The following KCTD2 variants were observed in gnomAD, a reference collection of about 807,000 sequenced individuals.
The protein encoded by KCTD2 is BTB/POZ domain-containing protein KCTD2.
KCTD2 carries 18 observed loss-of-function variants against 27.9 expected under a neutral mutation model. The ratio of observed to expected loss-of-function variants is 0.64; its 90% CI spans 0.45 to 0.96. The LOEUF (loss-of-function observed/expected upper bound fraction) is 0.96. Among genes scored for constraint, KCTD2 ranks in the 40% least tolerant of loss-of-function variants. The pLI, the probability that KCTD2 is intolerant of heterozygous loss-of-function variation, is 0.00. For synonymous variants in KCTD2, 175 were observed against 148.4 expected (o/e 1.18, Z -1.30); for missense variants, 280 against 348.0 (o/e 0.80, Z 1.56).
intron 2 of KCTD2, chr17:75,035,091 C>T (rs1030081452): frequency 3.9e-5 from 6 of 152,100 alleles, no homozygotes; most frequent in African/African-American, 7.2e-5. Context: ...ATTGGCCTCT[C>T]TAGGAGGTAG....
chr17:75,059,337 G>GA (rs2073380871), intron 3 of KCTD2, 173 bp from the exon 4 acceptor site: 1 of 415,058 alleles, frequency 2.4e-6, no homozygotes, highest in Non-Finnish European at 4.3e-6. Context: ...AAAGAGAAGG[G>GA]AAAAAAAGAA....
intron 3 of KCTD2, among the ~76,000 whole-genome samples, chr17:75,036,856 C>T (rs1417430307): frequency 6.6e-6 from 1 of 152,168 alleles, no homozygotes; most frequent in Non-Finnish European, 1.5e-5. Context: ...CGCTCCTCAT[C>T]TCTGCCCAGT....
At position 75,063,725 on chromosome 17, in the gene KCTD2, C is replaced by G. The variant is rs4365317; in HGVS notation, c.*678C>G. ...TGCCACCACATGCAGCTTTGCCTCA[C>G]CTTTCTCCAGCAGCCGGGACCCTCT... On this transcript the variant is annotated 3_prime_UTR_variant, in exon 6 of 6. Transcript: ENST00000322444. 0.35 allele frequency: 53,079 copies of G among 152,402 alleles called. 14,227 individuals are homozygous for G. Among genetic ancestry groups the G allele is most frequent in the African/African-American group, 0.73 (30,466 of 41,454 alleles). The allele number at this position is 152,402 out of a possible 1,614,324, so 9.4% of individuals were successfully genotyped here.
intron 2 of KCTD2, among the ~76,000 whole-genome samples, chr17:75,049,865 C>T (rs2073266627): frequency 6.6e-6 from 1 of 152,190 alleles, no homozygotes; most frequent in South Asian, 2.1e-4. Flanking sequence ...GTTTGTAGGG[C>T]ATTGGGACTA....
intron 1 of KCTD2, chr17:75,033,956 G>T (rs1172721307): frequency 6.6e-6 from 1 of 152,288 alleles, no homozygotes; most frequent in Non-Finnish European, 1.5e-5. Flanking sequence ...CAGGGATTGT[G>T]GGTTCGAGTC....
chr17:75,042,400 T>A, upstream of KCTD2: 6 of 1,501,794 alleles, frequency 4.0e-6, no homozygotes, highest in Non-Finnish European at 5.4e-6. Context: ...CCTAAGATCA[T>A]CATGAAAATG....
intron 2 of KCTD2, among the ~76,000 whole-genome samples, chr17:75,049,833 C>G (rs969805270): frequency 6.6e-6 from 1 of 152,162 alleles, no homozygotes; most frequent in African/African-American, 2.4e-5. Context: ...TCAGGTGTAT[C>G]ATTACTTGCC....
upstream of KCTD2, chr17:75,047,176 G>A: frequency 4.8e-6 from 2 of 419,192 alleles, no homozygotes; most frequent in Non-Finnish European, 3.6e-6. Context: ...CCGATGGGCC[G>A]GCCCGGCTCT....
chr17:75,045,035 C>G (rs146343520), upstream of KCTD2, among the ~76,000 whole-genome samples: 2 of 152,106 alleles, frequency 1.3e-5, no homozygotes, highest in Non-Finnish European at 2.9e-5. Context: ...CACATAGGTT[C>G]TTTTCTATTT....
At chr17:75,052,731 G>A (rs2144930542) in intron 2 of KCTD2, among the ~76,000 whole-genome samples, 1 of 151,850 alleles carries the variant, frequency 6.6e-6, no homozygotes, top group Non-Finnish European at 1.5e-5. Flanking sequence ...TTCGGGCGGG[G>A]GGAAAAAATA....
At chr17:75,038,184 G>A (rs1333502671) in intron 3 of KCTD2, among the ~76,000 whole-genome samples, 2 of 151,882 alleles carry the variant, frequency 1.3e-5, no homozygotes, top group African/African-American at 2.4e-5. Context: ...GCAGTGGCAC[G>A]ATCTTGGCTC....
At position 75,057,812 on chromosome 17, in the gene KCTD2, C is replaced by T. The variant is rs186733126; in HGVS notation, c.541-1698C>T. On this transcript the variant is annotated intron_variant, in intron 3 of 5. Transcript: ENST00000322444. ...CCAACCTCAGATGATCCGCCCACCTCGGTCTCCCAAAGTGCTGGGATTATA... is the reference window on the plus strand; with the variant it reads ...CCAACCTCAGATGATCCGCCCACCTTGGTCTCCCAAAGTGCTGGGATTATA... 4.7e-3 allele frequency among the ~76,000 whole-genome samples: 709 copies of T among 152,010 alleles called. 4 individuals carry two copies. Among genetic ancestry groups the T allele is most frequent in the Middle Eastern group, 0.01 (3 of 294 alleles).
chr17:75,052,360 C>T (rs530278775), intron 2 of KCTD2, among the ~76,000 whole-genome samples: 61 of 152,286 alleles, frequency 4.0e-4, no homozygotes, highest in African/African-American at 1.4e-3. Flanking sequence ...CCAAGGTGGG[C>T]GGATCACTTG....
intron 3 of KCTD2, among the ~76,000 whole-genome samples, chr17:75,054,615 C>G (rs917465615): frequency 7.2e-5 from 11 of 152,014 alleles, no homozygotes. Context: ...ACCATCCTGG[C>G]TAACACGGTG....
At chr17:75,055,160 T>G (rs979527006) in intron 3 of KCTD2, among the ~76,000 whole-genome samples, 2 of 151,990 alleles carry the variant, frequency 1.3e-5, no homozygotes, top group African/African-American at 4.8e-5. Flanking sequence ...GTTCAAGCGA[T>G]TCTCATGTCT....
At chr17:75,039,074 G>A (rs1567986522) in intron 3 of KCTD2, 1 of 1,613,810 alleles carries the variant, frequency 6.2e-7, no homozygotes, top group Non-Finnish European at 8.5e-7. Context: ...CTGGAAAGAG[G>A]GGGAATGTGT....
chr17:75,057,139 A>G (rs1469887594), intron 3 of KCTD2, among the ~76,000 whole-genome samples: 1 of 151,700 alleles, frequency 6.6e-6, no homozygotes, highest in East Asian at 1.9e-4. Context: ...TTTTTAGTAG[A>G]GACAGGGTAT....
intron 3 of KCTD2, among the ~76,000 whole-genome samples, chr17:75,038,643 T>C (rs192501879): frequency 4.6e-5 from 7 of 152,270 alleles, no homozygotes; most frequent in African/African-American, 7.2e-5. Flanking sequence ...CTTTACTACA[T>C]CACAGTGAAA....
chr17:75,050,318 C>G (rs940194086), intron 2 of KCTD2, among the ~76,000 whole-genome samples: 1 of 151,874 alleles, frequency 6.6e-6, no homozygotes, highest in African/African-American at 2.4e-5. Flanking sequence ...CTGGAGTGCA[C>G]TGGCACAATC....
Sources: gnomAD v4.1 joint callset for allele counts (sites outside exome capture counted in the v4.1 genomes callset) on GRCh38, gnomAD v4.1.1 for gene constraint, MANE v1.5 for transcripts, NCBI Gene and HGNC (gene_info 2026-07-23, HGNC 2026-07-21) for gene names.